Variants in CATIP observed in about 807,000 individuals in gnomAD.
CATIP encodes the protein ciliogenesis-associated TTC17-interacting protein.
A neutral mutation model predicts 42.5 loss-of-function variants in CATIP; 40 were observed. The observed-to-expected ratio is 0.94, with a 90% confidence interval of 0.73 to 1.22. CATIP has a LOEUF of 1.22. Ranked by LOEUF, CATIP falls within the 50% of genes most tolerant of loss-of-function variation. CATIP has a pLI of 0.00. For synonymous variants in CATIP, 222 were observed against 200.2 expected, an observed-to-expected ratio of 1.11 and a Z score of -0.92; for missense variants, 489 against 496.0, an observed-to-expected ratio of 0.99 and a Z score of 0.13.
intron 7 of CATIP, chr2:218,365,543 C>G (rs1378163863): frequency 6.6e-6 from 1 of 152,094 alleles, no homozygotes; most frequent in African/African-American, 2.4e-5. Flanking sequence ...TAGATATTCA[C>G]ATAATCACTA....
rs1305022506 is a variant in CATIP, at chr2:218,368,010, G to C, written c.*46G>C. ...GGGCAGGAAACCAGGGGTCGGGCTGGGACGCGGGCGGGACGCGCCGGGGCG... is the reference window on the plus strand; with the variant it reads ...GGGCAGGAAACCAGGGGTCGGGCTGCGACGCGGGCGGGACGCGCCGGGGCG... On this transcript the variant is annotated 3_prime_UTR_variant, in exon 10 of 10. Transcript: ENST00000289388. The C allele has an allele frequency of 6.8e-7, 1 of 1,463,942 alleles. No individual in the cohort carries two copies. The highest frequency in any genetic ancestry group is 2.6e-5 in the Admixed American group (1 of 38,524). The allele number at this position is 1,463,942 out of a possible 1,614,324, so 90.7% of individuals were successfully genotyped here.
At chr2:218,363,224 T>C (rs1299641910) in intron 6 of CATIP, among the ~76,000 whole-genome samples, 3 of 151,880 alleles carry the variant, frequency 2.0e-5, no homozygotes, top group Non-Finnish European at 2.9e-5. Context: ...CTCACGCCTG[T>C]AATCCCAGCA....
intron 5 of CATIP, among the ~76,000 whole-genome samples, chr2:218,362,373 C>T (rs1695267086): frequency 1.4e-5 from 2 of 141,732 alleles, no homozygotes; most frequent in Non-Finnish European, 1.5e-5. Flanking sequence ...AAAAAAAAGG[C>T]TCACGCCTGT....
chr2:218,367,351 G>A (rs1344465071), intron 8 of CATIP, 79 bp from the exon 9 acceptor site: 13 of 1,316,900 alleles, frequency 9.9e-6, no homozygotes, highest in South Asian at 2.4e-5. Flanking sequence ...CCTTCTGTTT[G>A]GGTGTTCTCG....
chr2:218,360,633 G>A lies in CATIP; in HGVS notation c.436G>A (p.Val146Met), dbSNP rs1162982768. 1 of 1,613,848 alleles carries A rather than the reference G, an allele frequency of 6.2e-7. No homozygotes were observed. Among genetic ancestry groups the A allele is most frequent in the Non-Finnish European group, 8.5e-7 (1 of 1,179,952 alleles). ...GCTGAAGCAGGATGATCAGCTGGCT[G>A]TGACCAGAAGTATCAAGGAGGGTGA... ...SLLKQDDQLAVTRSIKEGEEV... is the reference protein window; with the variant it reads ...SLLKQDDQLAMTRSIKEGEEV... The change falls in exon 5 of 10, where the codon GTG becomes ATG. Residue 146 changes from valine (V) to methionine (M), a missense_variant. Coordinates refer to ENST00000289388, the MANE Select transcript of CATIP (RefSeq NM_198559.2).
intron 4 of CATIP, among the ~76,000 whole-genome samples, chr2:218,358,734 A>C (rs1315457369): frequency 6.6e-6 from 1 of 152,032 alleles, no homozygotes; most frequent in Non-Finnish European, 1.5e-5. Flanking sequence ...AAATACAAAA[A>C]GTAGCTGGGT....
chr2:218,362,599 T>G, intron 5 of CATIP, 136 bp from the exon 6 acceptor site: 1 of 780,432 alleles, frequency 1.3e-6, no homozygotes, highest in South Asian at 1.8e-5. Context: ...GCCATTGCAC[T>G]CCAGCCTGGG....
chr2:218,361,111 G>A (rs940302839), intron 5 of CATIP, among the ~76,000 whole-genome samples: 5 of 152,026 alleles, frequency 3.3e-5, no homozygotes, highest in Non-Finnish European at 5.9e-5. Context: ...GATTACAGGC[G>A]TGAGCCACCA....
intron 7 of CATIP, chr2:218,365,838 C>CA (rs1695414428): frequency 6.6e-6 from 1 of 152,030 alleles, no homozygotes; most frequent in African/African-American, 2.4e-5. Flanking sequence ...TCTTTCTTGA[C>CA]AGAGTCTCGC....
At chr2:218,358,363 A>C (rs1358576931) in intron 4 of CATIP, among the ~76,000 whole-genome samples, 1 of 151,124 alleles carries the variant, frequency 6.6e-6, no homozygotes, top group African/African-American at 2.4e-5. Flanking sequence ...TGAGGTCAGG[A>C]GTTCGAGACC....
At chr2:218,362,696 C>T (rs1695276885) in intron 5 of CATIP, 39 bp from the exon 6 acceptor site, 1 of 1,593,020 alleles carries the variant, frequency 6.3e-7, no homozygotes, top group East Asian at 2.3e-5. Flanking sequence ...CCTGCCCCTT[C>T]CTGGTTCCAG....
chr2:218,365,107 T>G (rs1257791826), intron 7 of CATIP, among the ~76,000 whole-genome samples: 1 of 152,106 alleles, frequency 6.6e-6, no homozygotes, highest in Non-Finnish European at 1.5e-5. Flanking sequence ...AGCAAAGCAC[T>G]GGCTCCAAAT....
At chr2:218,360,737 G>C in intron 5 of CATIP, 78 bp downstream of exon 5, 3 of 1,177,056 alleles carry the variant, frequency 2.5e-6, no homozygotes, top group Non-Finnish European at 3.7e-6. Flanking sequence ...GATCAATTTA[G>C]AGAGTTTATT....
intron 6 of CATIP, 100 bp downstream of exon 6, chr2:218,363,002 G>A (rs1695289502): frequency 8.1e-7 from 1 of 1,237,422 alleles, no homozygotes; most frequent in Non-Finnish European, 1.1e-6. Context: ...GAAAAGGGAG[G>A]CAGGTGGGGA....
chr2:218,363,207 G>A (rs936485989), intron 6 of CATIP, among the ~76,000 whole-genome samples: 2 of 152,064 alleles, frequency 1.3e-5, no homozygotes, highest in African/African-American at 4.8e-5. Context: ...TGGGCCAGGT[G>A]TGGTGGCTCA....
rs1281806721 is a variant in CATIP at position 218,367,978 on chromosome 2, C to T, written c.*14C>T. ...GGGGCGGCCTAAGCGGGGCCCAGGC[C>T]CGGACAGGGCAGGAAACCAGGGGTC... On this transcript the variant is annotated 3_prime_UTR_variant, in exon 10 of 10. Transcript: ENST00000289388. The T allele has an allele frequency of 6.5e-7, 1 of 1,546,854 alleles. No homozygotes were observed. Among genetic ancestry groups the T allele is most frequent in the Non-Finnish European group, 8.7e-7 (1 of 1,151,284 alleles).
intron 9 of CATIP, 30 bp from the exon 10 acceptor site, chr2:218,367,692 G>A (rs1232741752): frequency 1.3e-6 from 2 of 1,580,908 alleles, no homozygotes; most frequent in Non-Finnish European, 1.7e-6. Flanking sequence ...GGTCCCGTCC[G>A]GCTGAGGCTC....
At chr2:218,361,033 G>C (rs987371831) in intron 5 of CATIP, among the ~76,000 whole-genome samples, 51 of 151,654 alleles carry the variant, frequency 3.4e-4, no homozygotes, top group Admixed American at 3.1e-3. Flanking sequence ...TTTCATCCCT[G>C]TTGGCCAGGC....
At chr2:218,361,352 C>T (rs1362288654) in intron 5 of CATIP, among the ~76,000 whole-genome samples, 3 of 149,676 alleles carry the variant, frequency 2.0e-5, no homozygotes, top group Admixed American at 6.7e-5. Flanking sequence ...CCAGCCTGGG[C>T]GACAGAGCAA....
Sources: allele counts gnomAD v4.1 joint callset (sites outside exome capture counted in the v4.1 genomes callset), GRCh38; gene constraint gnomAD v4.1.1; transcripts MANE v1.5; gene names NCBI Gene and HGNC (gene_info 2026-07-23, HGNC 2026-07-21).